CHL1: variants seen among roughly 807,000 people sequenced by gnomAD.
CHL1 encodes cell adhesion molecule L1 like, also known as neural cell adhesion molecule L1-like protein.
CHL1 carries 96 observed loss-of-function variants against 141.9 expected under a neutral mutation model. That is an observed-to-expected ratio of 0.68 (90% CI 0.57 to 0.80). CHL1 has a LOEUF of 0.80. Ranked by LOEUF, CHL1 falls within the 30% of genes least tolerant of loss-of-function variation. The pLI is 0.00. For missense variants in CHL1, 1,820 were observed against 1,457.2 expected (o/e 1.25, Z -4.05); for synonymous variants, 613 against 502.2 (o/e 1.22, Z -2.95).
At chr3:366,407 G>T (rs1704889283) in intron 15 of CHL1, among the ~76,000 whole-genome samples, 1 of 151,640 alleles carries the variant, frequency 6.6e-6, no homozygotes, top group African/African-American at 2.4e-5. Context: ...GGAGGCGGAG[G>T]TTGTGGTGAG....
intron 1 of CHL1, among the ~76,000 whole-genome samples, chr3:244,397 C>G (rs985552196): frequency 6.6e-6 from 1 of 152,156 alleles, no homozygotes; most frequent in African/African-American, 2.4e-5. Context: ...CATGCCTGCC[C>G]TCTCTCCTCC....
At chr3:261,042 A>T (rs13098312) in intron 2 of CHL1, among the ~76,000 whole-genome samples, 16,644 of 152,106 alleles carry the variant, frequency 0.11, 1,821 homozygotes, top group African/African-American at 0.29. Context: ...TGATGACCTA[A>T]GCTGTTAAAC....
chr3:383,463 G>T (rs1006324980), intron 18 of CHL1, among the ~76,000 whole-genome samples: 1 of 151,892 alleles, frequency 6.6e-6, no homozygotes, highest in African/African-American at 2.4e-5. Flanking sequence ...AATTCTAATA[G>T]AAAAAATAGA....
chr3:388,340 G>C (rs1377684759), intron 19 of CHL1, among the ~76,000 whole-genome samples: 5 of 152,188 alleles, frequency 3.3e-5, no homozygotes, highest in Non-Finnish European at 7.3e-5. Flanking sequence ...CTGAGGTTGG[G>C]AGTTCAAGAC....
chr3:389,595 G>A, intron 20 of CHL1, 121 bp downstream of exon 20: 2 of 729,464 alleles, frequency 2.7e-6, no homozygotes, highest in South Asian at 3.6e-5. Context: ...ACTAGCCGTG[G>A]GAGATAAAAA....
intron 1 of CHL1, among the ~76,000 whole-genome samples, chr3:216,248 G>T (rs1700311176): frequency 1.3e-5 from 2 of 152,106 alleles, no homozygotes; most frequent in African/African-American, 4.8e-5. Context: ...TTGCAGTTTG[G>T]GCTCAAAAAA....
At chr3:354,894 C>A (rs893240410) in intron 11 of CHL1, 123 bp downstream of exon 11, 4 of 1,180,644 alleles carry the variant, frequency 3.4e-6, no homozygotes, top group African/African-American at 1.5e-5. Flanking sequence ...ATACAACCAG[C>A]AAATCAGAGA....
chr3:269,531 A>C (rs6806211), intron 2 of CHL1, among the ~76,000 whole-genome samples: 5,752 of 151,542 alleles, frequency 0.038, 212 homozygotes, highest in African/African-American at 0.085. Context: ...CTCTCTCTCT[A>C]TATATATATA....
chr3:254,186 T>A (rs1211027131), intron 2 of CHL1, among the ~76,000 whole-genome samples: 5 of 152,166 alleles, frequency 3.3e-5, no homozygotes, highest in Non-Finnish European at 5.9e-5. Flanking sequence ...TCATGTCCCC[T>A]TTCCAGGGAA....
Position 331,194 on chromosome 3 carries a change from C to T in CHL1, c.385+2840C>T, listed in dbSNP as rs79470420. On this transcript the variant is annotated intron_variant, in intron 5 of 27. Coordinates refer to ENST00000256509, the MANE Select transcript of CHL1 (RefSeq NM_006614.4). Reference sequence around the variant, plus strand: ...AGAAAGATTTCTTTTCCTTTCTTTTCTTCCTTTCTGGCTTTTTTGTTTGTT... The same window carrying T: ...AGAAAGATTTCTTTTCCTTTCTTTTTTTCCTTTCTGGCTTTTTTGTTTGTT... 2.3e-5 allele frequency among the ~76,000 whole-genome samples: 3 copies of T among 131,636 alleles called. No homozygotes were observed. In the East Asian group the frequency reaches 6.5e-4, roughly 28 times the overall value. 86.4% of individuals were successfully genotyped at this position (131,636 alleles called of 152,430 possible).
chr3:201,456 C>T (rs1698932116), intron 1 of CHL1, among the ~76,000 whole-genome samples: 1 of 152,032 alleles, frequency 6.6e-6, no homozygotes, highest in African/African-American at 2.4e-5. Flanking sequence ...AAGAATACAA[C>T]TTGTGTATCT....
intron 18 of CHL1, 52 bp downstream of exon 18, chr3:382,723 C>T (rs770195191): frequency 1.4e-6 from 2 of 1,446,196 alleles, no homozygotes; most frequent in South Asian, 1.1e-5. Context: ...TTGTCCCCAT[C>T]TTTGAACATC....
At chr3:370,624 G>C (rs1275633302) in intron 15 of CHL1, among the ~76,000 whole-genome samples, 1 of 150,450 alleles carries the variant, frequency 6.6e-6, no homozygotes, top group Non-Finnish European at 1.5e-5. Context: ...TCTGATTTTA[G>C]TTGTTTCTCT....
At chr3:241,552 T>G (rs978642108) in intron 1 of CHL1, among the ~76,000 whole-genome samples, 1 of 151,556 alleles carries the variant, frequency 6.6e-6, no homozygotes, top group Admixed American at 6.6e-5. Flanking sequence ...CTTCAGCAAG[T>G]GCTGTTTCTC....
At chr3:216,028 T>G (rs904210612) in intron 1 of CHL1, among the ~76,000 whole-genome samples, 1 of 152,180 alleles carries the variant, frequency 6.6e-6, no homozygotes, top group African/African-American at 2.4e-5. Flanking sequence ...TGAGTGAGAA[T>G]ATATATGTTA....
intron 1 of CHL1, among the ~76,000 whole-genome samples, chr3:225,091 G>A (rs1039128186): frequency 1.6e-4 from 24 of 152,226 alleles, no homozygotes; most frequent in Admixed American, 5.2e-4. Context: ...CCAAGATCTC[G>A]CCACTGCACT....
At chr3:389,832 C>A (rs1029809177) in intron 20 of CHL1, among the ~76,000 whole-genome samples, 2 of 152,190 alleles carry the variant, frequency 1.3e-5, no homozygotes, top group Non-Finnish European at 2.9e-5. Context: ...CAAGGATCCC[C>A]TAAGAGCCAC....
At chr3:359,326 T>A (rs981257106) in intron 11 of CHL1, among the ~76,000 whole-genome samples, 2 of 152,030 alleles carry the variant, frequency 1.3e-5, no homozygotes, top group Non-Finnish European at 2.9e-5. Flanking sequence ...ACTTTTATTT[T>A]AAAGTCTCTC....
chr3:332,455 T>A (rs1701514384), intron 5 of CHL1, among the ~76,000 whole-genome samples: 1 of 152,230 alleles, frequency 6.6e-6, no homozygotes, highest in Non-Finnish European at 1.5e-5. Flanking sequence ...AAAAAGGTGA[T>A]GACGATATTC....
Sources: gnomAD v4.1 joint callset for allele counts (sites outside exome capture counted in the v4.1 genomes callset) on GRCh38, gnomAD v4.1.1 for gene constraint, MANE v1.5 for transcripts, NCBI Gene and HGNC (gene_info 2026-07-23, HGNC 2026-07-21) for gene names.